DLGAP1: variants seen among roughly 807,000 people sequenced by gnomAD.
The protein encoded by DLGAP1 is DLG associated protein 1.
A neutral mutation model predicts 90.8 loss-of-function variants in DLGAP1; 11 were observed. That is an observed-to-expected ratio of 0.12 (90% CI 0.08 to 0.20). The LOEUF (loss-of-function observed/expected upper bound fraction) is 0.20, where lower values mean the gene tolerates loss of function less well. Among genes scored for constraint, DLGAP1 ranks in the 10% least tolerant of loss-of-function variants. The pLI is 1.00. For missense variants in DLGAP1, 1,050 were observed against 1,333.8 expected (o/e 0.79, Z 3.31); for synonymous variants, 558 against 540.7 (o/e 1.03, Z -0.44).
chr18:3,529,880 A>G (rs1599080164), intron 10 of DLGAP1, among the ~76,000 whole-genome samples: 3 of 152,256 alleles, frequency 2.0e-5, no homozygotes. Flanking sequence ...CATCCTGAAC[A>G]TAGGCTGAGA....
At chr18:3,675,679 C>T (rs1186415485) in intron 7 of DLGAP1, among the ~76,000 whole-genome samples, 2 of 152,232 alleles carry the variant, frequency 1.3e-5, no homozygotes, top group Non-Finnish European at 1.5e-5. Context: ...CCATCCCCAC[C>T]TCCATCTGAC....
At chr18:3,928,226 A>T (rs1197645597) in intron 3 of DLGAP1, among the ~76,000 whole-genome samples, 1 of 152,168 alleles carries the variant, frequency 6.6e-6, no homozygotes, top group Non-Finnish European at 1.5e-5. Context: ...ACAACAACAC[A>T]CTTGTAGTTT....
At chr18:3,613,536 C>G (rs1228453344) in intron 7 of DLGAP1, among the ~76,000 whole-genome samples, 1 of 151,894 alleles carries the variant, frequency 6.6e-6, no homozygotes, top group Non-Finnish European at 1.5e-5. Context: ...TGGGGGTCTC[C>G]CTGTGTTGCC....
At chr18:4,239,209 G>A (rs1568466185) in intron 1 of DLGAP1, among the ~76,000 whole-genome samples, 1 of 152,150 alleles carries the variant, frequency 6.6e-6, no homozygotes, top group Non-Finnish European at 1.5e-5. Flanking sequence ...TATCACATTT[G>A]CACTTTTCAA....
At chr18:4,013,055 A>T (rs926799822) in intron 2 of DLGAP1, among the ~76,000 whole-genome samples, 3 of 152,116 alleles carry the variant, frequency 2.0e-5, no homozygotes, top group Admixed American at 6.5e-5. Context: ...TGTTCTGTGA[A>T]AACTAATTGA....
intron 5 of DLGAP1, among the ~76,000 whole-genome samples, chr18:3,769,476 C>T (rs1469597827): frequency 6.6e-6 from 1 of 152,136 alleles, no homozygotes; most frequent in Non-Finnish European, 1.5e-5. Context: ...TTTATAATCG[C>T]CCCAAATTGC....
chr18:3,705,176 A>G (rs1392164796), intron 7 of DLGAP1, among the ~76,000 whole-genome samples: 1 of 152,206 alleles, frequency 6.6e-6, no homozygotes, highest in Non-Finnish European at 1.5e-5. Flanking sequence ...TTTTGAGTCA[A>G]ACGAATTTTG....
intron 2 of DLGAP1, among the ~76,000 whole-genome samples, chr18:4,036,629 A>T (rs2074893400): frequency 1.3e-5 from 2 of 152,224 alleles, no homozygotes; most frequent in South Asian, 4.1e-4. Flanking sequence ...CAGGAATTTA[A>T]GATTGTCATA....
intron 2 of DLGAP1, among the ~76,000 whole-genome samples, chr18:4,042,819 A>AT (rs543316978): frequency 6.6e-6 from 1 of 152,332 alleles, no homozygotes; most frequent in South Asian, 2.1e-4. Flanking sequence ...ACTTCTTTTA[A>AT]TTTTTAATAG....
chr18:3,872,888 C>A (rs1169683776), intron 4 of DLGAP1, among the ~76,000 whole-genome samples: 1 of 152,132 alleles, frequency 6.6e-6, no homozygotes, highest in Non-Finnish European at 1.5e-5. Flanking sequence ...TTTTCTCTTT[C>A]ACTCTTTGCT....
chr18:4,296,159 C>T (rs2143148351), intron 1 of DLGAP1, among the ~76,000 whole-genome samples: 1 of 152,306 alleles, frequency 6.6e-6, no homozygotes, highest in South Asian at 2.1e-4. Flanking sequence ...CCCCACCACC[C>T]TGCGTCTTAA....
intron 7 of DLGAP1, among the ~76,000 whole-genome samples, chr18:3,643,489 T>C (rs559681711): frequency 5.7e-4 from 87 of 151,672 alleles, no homozygotes; most frequent in Non-Finnish European, 1.0e-3. Flanking sequence ...CGGTGAAACC[T>C]CGTCTCTACT....
chr18:3,655,875 C>T (rs995057773), intron 7 of DLGAP1: 15 of 494,550 alleles, frequency 3.0e-5, no homozygotes, highest in African/African-American at 2.8e-4. Flanking sequence ...TGGTGCTGCC[C>T]TCTCAGGTCA....
At chr18:3,954,055 T>G (rs914716917) in intron 3 of DLGAP1, among the ~76,000 whole-genome samples, 9 of 152,212 alleles carry the variant, frequency 5.9e-5, no homozygotes, top group African/African-American at 2.2e-4. Context: ...TTGCTTTTAA[T>G]ATTAGGTAAA....
At chr18:3,859,426 A>G (rs2069885984) in intron 4 of DLGAP1, among the ~76,000 whole-genome samples, 1 of 152,220 alleles carries the variant, frequency 6.6e-6, no homozygotes, top group Non-Finnish European at 1.5e-5. Flanking sequence ...AAAGACGCCC[A>G]TGTCTTAATC....
intron 2 of DLGAP1, among the ~76,000 whole-genome samples, chr18:4,109,958 T>C (rs1423580824): frequency 6.6e-6 from 1 of 152,140 alleles, no homozygotes; most frequent in Non-Finnish European, 1.5e-5. Context: ...ATATTATCTA[T>C]ATTGTGTGTA....
At chr18:3,536,223 CTTTTTTT>C (rs71159088) in intron 9 of DLGAP1, among the ~76,000 whole-genome samples, 1 of 137,418 alleles carries the variant, frequency 7.3e-6, no homozygotes, top group African/African-American at 2.7e-5. Context: ...TACTTTCTTT[CTTTTTTT>C]TTTTTTTTTC....
chr18:4,409,807 C>A (rs532727340), intron 1 of DLGAP1, among the ~76,000 whole-genome samples: 1 of 152,084 alleles, frequency 6.6e-6, no homozygotes, highest in Admixed American at 6.5e-5. Flanking sequence ...TACTGGGTAT[C>A]TACCCAGAGG....
chr18:4,396,766 G>C (rs1300063113), intron 1 of DLGAP1, among the ~76,000 whole-genome samples: 1 of 152,204 alleles, frequency 6.6e-6, no homozygotes, highest in South Asian at 2.1e-4. Context: ...GAGTCTCCCA[G>C]ACAGATGGAG....
Sources: gnomAD v4.1 joint callset for allele counts (sites outside exome capture counted in the v4.1 genomes callset) on GRCh38, gnomAD v4.1.1 for gene constraint, MANE v1.5 for transcripts, NCBI Gene and HGNC (gene_info 2026-07-23, HGNC 2026-07-21) for gene names.